Variants in KICS2 observed in about 807,000 individuals in gnomAD.
The protein encoded by KICS2 is KICSTOR complex protein C12orf66.
Under a neutral mutation model 31.4 loss-of-function variants are expected in KICS2, and 13 were observed. The ratio of observed to expected loss-of-function variants is 0.41; its 90% CI spans 0.27 to 0.66. The LOEUF (loss-of-function observed/expected upper bound fraction) is 0.66. Ranked by LOEUF, KICS2 falls within the 30% of genes least tolerant of loss-of-function variation. The probability of loss-of-function intolerance (pLI) is 0.28; values close to 1 mark genes in which losing one functional copy is unlikely to be tolerated. For synonymous variants in KICS2, 209 were observed against 214.8 expected (o/e 0.97, Z 0.24); for missense variants, 455 against 545.4 (o/e 0.83, Z 1.65).
At chr12:64,190,971 C>T (rs2136684002), downstream of KICS2, 1 of 152,252 alleles carries the variant, frequency 6.6e-6, no homozygotes, top group South Asian at 2.1e-4. Flanking sequence ...TGAAATACTC[C>T]TGGATGGAAC....
chr12:64,207,633 C>T (rs1330163181), intron 2 of KICS2, among the ~76,000 whole-genome samples: 1 of 152,308 alleles, frequency 6.6e-6, no homozygotes, highest in African/African-American at 2.4e-5. Flanking sequence ...GTAGCTACTT[C>T]CCCTCCAACC....
chr12:64,199,084 C>T (rs2037465254), intron 2 of KICS2, among the ~76,000 whole-genome samples: 1 of 68,404 alleles, frequency 1.5e-5, no homozygotes, highest in African/African-American at 5.4e-5. Context: ...AAGAGGGAAT[C>T]CTCCCTAACT....
At chr12:64,207,815 G>C (rs2037552268) in intron 2 of KICS2, among the ~76,000 whole-genome samples, 1 of 152,152 alleles carries the variant, frequency 6.6e-6, no homozygotes, top group South Asian at 2.1e-4. Context: ...CTGTTATGCA[G>C]ACTTATTGTG....
chr12:64,207,301 C>CAAAAAAAAAAAA (rs35532711), intron 2 of KICS2, among the ~76,000 whole-genome samples: 1 of 57,344 alleles, frequency 1.7e-5, no homozygotes, highest in African/African-American at 6.6e-5. Flanking sequence ...CAACTCGTCT[C>CAAAAAAAAAAAA]AAAAAAAAAA....
intron 1 of KICS2, among the ~76,000 whole-genome samples, chr12:64,220,496 G>A (rs910880565): frequency 2.0e-5 from 3 of 151,412 alleles, no homozygotes; most frequent in African/African-American, 7.3e-5. Context: ...TTTTTCTGGA[G>A]AGTAAGTACA....
At chr12:64,187,461 T>C (rs1565711714), downstream of KICS2, 2 of 636,790 alleles carry the variant, frequency 3.1e-6, no homozygotes, top group Non-Finnish European at 5.4e-6. Context: ...CAGACCTTGT[T>C]ATCAAAAGCA....
intron 1 of KICS2, among the ~76,000 whole-genome samples, chr12:64,220,216 G>A (rs1028794694): frequency 4.6e-5 from 7 of 152,156 alleles, no homozygotes; most frequent in Non-Finnish European, 1.0e-4. Flanking sequence ...TCAAGGCATA[G>A]TCCTCATGCT....
At chr12:64,189,871 G>A (rs1565712313), downstream of KICS2, among the ~76,000 whole-genome samples, 2 of 152,128 alleles carry the variant, frequency 1.3e-5, no homozygotes, top group Middle Eastern at 3.4e-3. Flanking sequence ...AATACAGGAT[G>A]GAAAAACTGA....
At position 64,193,529 on chromosome 12, in the gene KICS2, A is replaced by G. The variant is rs928876885; in HGVS notation, c.*313T>C. ...ACAATGTTTAGAACAACAGAAAAAC[A>G]TATGGGAAAAAAAAAAGCCCAATAA... On this transcript the variant is annotated 3_prime_UTR_variant, in exon 3 of 3. Transcript: ENST00000398055. 4.8e-5 allele frequency: 52 copies of G among 1,094,384 alleles called. No homozygotes were observed. The highest frequency in any genetic ancestry group is 5.4e-5 in the Non-Finnish European group (49 of 900,278). 67.8% of individuals were successfully genotyped at this position (1,094,384 alleles called of 1,614,324 possible). A position where few individuals can be genotyped will look rare whatever the true frequency, so the allele number is the denominator to read the frequency against.
In KICS2 at chr12:64,193,071, C is replaced by T. The variant is rs1372113442; in HGVS notation, c.*771G>A. 9 of 985,206 alleles carry T rather than the reference C, an allele frequency of 9.1e-6. No homozygotes were observed. Among genetic ancestry groups the T allele is most frequent in the East Asian group, 1.1e-4 (1 of 8,834 alleles). 61.0% of individuals were successfully genotyped at this position (985,206 alleles called of 1,614,324 possible). On this transcript the variant is annotated 3_prime_UTR_variant, in exon 3 of 3. Transcript: ENST00000398055. ...GAAAAGTGATAAACAGAAAGCGAAG[C>T]GGATAATATGCTGAAGAATGAAGAA...
At chr12:64,209,263 C>T (rs2037564253) in intron 2 of KICS2, among the ~76,000 whole-genome samples, 1 of 151,866 alleles carries the variant, frequency 6.6e-6, no homozygotes, top group Admixed American at 6.6e-5. Flanking sequence ...ACTGTGATTC[C>T]TAAACAAGAA....
chr12:64,218,204 T>C (rs116852410), intron 1 of KICS2, among the ~76,000 whole-genome samples: 6,076 of 152,322 alleles, frequency 0.04, 223 homozygotes, highest in Middle Eastern at 0.12. Context: ...GCTGATTTTG[T>C]ACAGTGAAGG....
chr12:64,217,548 C>T (rs1032792356), intron 1 of KICS2, among the ~76,000 whole-genome samples: 1 of 151,904 alleles, frequency 6.6e-6, no homozygotes, highest in African/African-American at 2.4e-5. Context: ...CCTGTAATAC[C>T]AGCACTTTGG....
At chr12:64,208,255 C>T (rs1452071763) in intron 2 of KICS2, among the ~76,000 whole-genome samples, 2 of 152,216 alleles carry the variant, frequency 1.3e-5, no homozygotes, top group African/African-American at 4.8e-5. Context: ...GTGATCCGCC[C>T]GCCTTGGCCT....
In KICS2 at chr12:64,194,585, T is replaced by C; in HGVS notation, c.595A>G (p.Lys199Glu). ...CACTCTGAGACCTGGGCCTGGGCTT[T>C]CAGGAGATGACACAGGACGTCAACT... ...LEVDVLCHLLKAQAQVSEWKF... is the reference protein window; with the variant it reads ...LEVDVLCHLLEAQAQVSEWKF... The change falls in exon 3 of 3, where the codon AAA becomes GAA. Residue 199 changes from lysine to glutamate, a missense_variant. Lys to Glu is a moderately conservative substitution (Grantham distance 56). Coordinates refer to ENST00000398055, the MANE Select transcript of KICS2 (RefSeq NM_152440.5). 6.2e-7 allele frequency: 1 copy of C among 1,614,134 alleles called. No homozygotes were observed. The highest frequency in any genetic ancestry group is 2.2e-5 in the East Asian group (1 of 44,876).
chr12:64,195,642 A>G (rs373354203), intron 2 of KICS2, among the ~76,000 whole-genome samples: 5 of 152,228 alleles, frequency 3.3e-5, no homozygotes, highest in South Asian at 2.1e-4. Flanking sequence ...AGCTCCCAGC[A>G]TGAGCAACGC....
In KICS2 at chr12:64,191,142, G is replaced by A. The variant is rs2037375173; in HGVS notation, c.*2700C>T. On this transcript the variant is annotated 3_prime_UTR_variant, in exon 3 of 3. Transcript: ENST00000398055. ...TTTACAGATCTCATTACTATATTTA[G>A]AGAATAAATCTTAGAGTAAAATGAC... The A allele has an allele frequency of 6.6e-6, 1 of 152,178 alleles. No individual in the cohort carries two copies. The highest frequency in any genetic ancestry group is 2.1e-4 in the South Asian group (1 of 4,832). The allele number at this position is 152,178 out of a possible 1,614,324, so 9.4% of individuals were successfully genotyped here.
intron 2 of KICS2, among the ~76,000 whole-genome samples, chr12:64,201,894 C>A (rs1365394016): frequency 6.6e-6 from 1 of 152,118 alleles, no homozygotes; most frequent in Non-Finnish European, 1.5e-5. Context: ...AAATAGCTAA[C>A]ACTTCAATCA....
Position 64,193,186 on chromosome 12 carries a change from T to G in KICS2, c.*656A>C, listed in dbSNP as rs7969588. ...AAACAAATGCAGTTAGGTGTGTACA[T>G]TACCCCAAAAGAACCCATGGCTATT... On this transcript the variant is annotated 3_prime_UTR_variant, in exon 3 of 3. Coordinates refer to ENST00000398055, the MANE Select transcript of KICS2 (RefSeq NM_152440.5). 8.0e-4 allele frequency: 792 copies of G among 985,492 alleles called. 4 individuals carry two copies. The African/African-American group carries it at 0.012, about 15-fold the overall frequency. 61.0% of individuals were successfully genotyped at this position (985,492 alleles called of 1,614,324 possible). A position where few individuals can be genotyped will look rare whatever the true frequency, so the allele number is the denominator to read the frequency against.
Sources: gnomAD v4.1 joint callset for allele counts (sites outside exome capture counted in the v4.1 genomes callset) on GRCh38, gnomAD v4.1.1 for gene constraint, MANE v1.5 for transcripts, NCBI Gene and HGNC (gene_info 2026-07-23, HGNC 2026-07-21) for gene names.